CCDC40: variants seen among roughly 807,000 people sequenced by gnomAD.
CCDC40 encodes coiled-coil domain-containing protein 40.
A neutral mutation model predicts 124.5 loss-of-function variants in CCDC40; 104 were observed. The ratio of observed to expected loss-of-function variants is 0.84; its 90% CI spans 0.71 to 0.98. The LOEUF is 0.98. CCDC40 is among the 50% of genes least tolerant of loss of function. The pLI, the probability that CCDC40 is intolerant of heterozygous loss-of-function variation, is 0.00. For missense variants in CCDC40, 1,463 were observed against 1,503.9 expected (o/e 0.97, Z 0.45); for synonymous variants, 580 against 602.9 (o/e 0.96, Z 0.56).
chr17:80,036,700 G>C lies in CCDC40; in HGVS notation c.29+9G>C. 6.8e-7 allele frequency: 1 copy of C among 1,464,214 alleles called. No individual in the cohort carries two copies. The highest frequency in any genetic ancestry group is 2.8e-5 in the East Asian group (1 of 35,266). The allele number at this position is 1,464,214 out of a possible 1,614,324, so 90.7% of individuals were successfully genotyped here. ...GGCGGCGCGGCGGGCCGGTAAGCCG[G>C]GCCGAGGGGCAGCGGGTCTTGGAGT... On this transcript the variant is annotated intron_variant, in intron 1 of 19. Transcript: ENST00000397545.
Position 80,087,711 on chromosome 17 carries a change from T to C in CCDC40, c.2554T>C (p.Cys852Arg), listed in dbSNP as rs371138852. The change falls in exon 15 of 20, where the codon TGC becomes CGC. Residue 852 changes from cysteine to arginine, a missense_variant. Cys to Arg is a radical substitution (Grantham distance 180). Coordinates refer to ENST00000397545, the MANE Select transcript of CCDC40 (RefSeq NM_017950.4). This position sits in a 1 kb window ranked among gnomAD's most constrained non-coding sequence, Gnocchi z 4.5. ...KLNMLMNKNR[C>R]SSEELEQNNR... Reference sequence around the variant, plus strand: ...CAACATGTTGATGAATAAAAACCGGTGCAGCTCGGAGGAGCTGGAGCAGAA... The same window carrying C: ...CAACATGTTGATGAATAAAAACCGGCGCAGCTCGGAGGAGCTGGAGCAGAA... 6.2e-7 allele frequency: 1 copy of C among 1,613,676 alleles called. No individual in the cohort carries two copies. Among genetic ancestry groups the C allele is most frequent in the Non-Finnish European group, 8.5e-7 (1 of 1,179,698 alleles).
chr17:80,036,761 GC>G, intron 1 of CCDC40, 70 bp downstream of exon 1: 2 of 1,405,624 alleles, frequency 1.4e-6, no homozygotes, highest in Admixed American at 2.4e-5. Flanking sequence ...GCTCCAGGTG[GC>G]CCCCGCGTCG....
At chr17:80,093,900 T>C (rs2038761276) in intron 17 of CCDC40, among the ~76,000 whole-genome samples, 1 of 152,204 alleles carries the variant, frequency 6.6e-6, no homozygotes, top group South Asian at 2.1e-4. Flanking sequence ...AAATAGTGGC[T>C]CTGACCTATC....
At position 80,065,525 on chromosome 17, in the gene CCDC40, G is replaced by A. The variant is rs200084360; in HGVS notation, c.1481G>A (p.Arg494His). ...GACGCCATCAGCGTGGAGAAGAGGC[G>A]CATCATGCAGCAATGGGCCAGCAGC... is the stretch of plus-strand genomic sequence containing the variant. ...EIDAISVEKRRIMQQWASSLV... is the reference protein window; with the variant it reads ...EIDAISVEKRHIMQQWASSLV... Residue 494 changes from arginine to histidine, a missense_variant, in exon 10 of 20, where the codon CGC becomes CAC. By Grantham distance (29) the Arg-to-His change is conservative. Coordinates refer to ENST00000397545, the MANE Select transcript of CCDC40 (RefSeq NM_017950.4). 48 of 1,612,980 alleles carry A rather than the reference G, an allele frequency of 3.0e-5. No individual in the cohort carries two copies. Among genetic ancestry groups the A allele is most frequent in the South Asian group, 1.8e-4 (16 of 91,076 alleles).
chr17:80,087,620 G>A lies in CCDC40; in HGVS notation c.2463G>A (p.Gln821=). 3 of 1,614,148 alleles carry A rather than the reference G, an allele frequency of 1.9e-6. No homozygotes were observed. Among genetic ancestry groups the A allele is most frequent in the Non-Finnish European group, 2.5e-6 (3 of 1,179,972 alleles). ...KKLRVESKIE[Q]EKKEQKEIEH... is the part of the protein sequence containing the mutation. Reference sequence around the variant, plus strand: ...TTTCTGCCATAGGCAAGATTGAGCAGGAGAAGAAGGAGCAGAAGGAGATCG... The same window carrying A: ...TTTCTGCCATAGGCAAGATTGAGCAAGAGAAGAAGGAGCAGAAGGAGATCG... The change falls in exon 15 of 20, where the codon CAG becomes CAA. Residue 821 remains glutamine (Q), a synonymous_variant. Coordinates refer to ENST00000397545, the MANE Select transcript of CCDC40 (RefSeq NM_017950.4). This position sits in a 1 kb window ranked among gnomAD's most constrained non-coding sequence, Gnocchi z 4.5.
chr17:80,068,087 G>A (rs568466291), intron 10 of CCDC40: 1 of 658,812 alleles, frequency 1.5e-6, no homozygotes, highest in African/African-American at 2.0e-5. Flanking sequence ...AGGCTGGAGT[G>A]CAGTGGCACC....
chr17:80,044,671 A>T (rs1346820444), intron 3 of CCDC40, among the ~76,000 whole-genome samples: 1 of 145,076 alleles, frequency 6.9e-6, no homozygotes, highest in African/African-American at 2.7e-5. Flanking sequence ...AGACAGAGCG[A>T]GACCCCATCT....
chr17:80,074,116 T>C (rs1293772270), intron 10 of CCDC40, among the ~76,000 whole-genome samples: 9 of 152,176 alleles, frequency 5.9e-5, no homozygotes. Context: ...AAAGGAAAAG[T>C]TTTTGAAGAA....
intron 9 of CCDC40, among the ~76,000 whole-genome samples, chr17:80,060,506 G>T (rs1598503054): frequency 6.7e-6 from 1 of 149,982 alleles, no homozygotes; most frequent in African/African-American, 2.4e-5. Flanking sequence ...AAAAAAAAAA[G>T]AACAACAACA....
chr17:80,090,894 C>T (rs1411818145), intron 17 of CCDC40: 14 of 821,254 alleles, frequency 1.7e-5, no homozygotes, highest in Non-Finnish European at 2.1e-5. Context: ...TTAAAAATAC[C>T]AAATTTAATT....
intron 9 of CCDC40, among the ~76,000 whole-genome samples, chr17:80,064,398 G>C (rs112533809): frequency 0.077 from 11,727 of 152,068 alleles, 1,448 homozygotes; most frequent in African/African-American, 0.26. Context: ...TTGCATTGGG[G>C]ATGACTCATC....
At chr17:80,096,045 C>CT (rs2143778044) in intron 18 of CCDC40, among the ~76,000 whole-genome samples, 1 of 152,388 alleles carries the variant, frequency 6.6e-6, no homozygotes, top group Admixed American at 6.5e-5. Flanking sequence ...TGCACTCACA[C>CT]TTCCCAGGTT....
rs2038591474 is a variant in CCDC40, at chr17:80,086,482, G to C, written c.2449+266G>C. The C allele has an allele frequency of 2.2e-6, 1 of 450,244 alleles. No individual in the cohort carries two copies. The highest frequency in any genetic ancestry group is 4.1e-6 in the Non-Finnish European group (1 of 242,572). 27.9% of individuals were successfully genotyped at this position (450,244 alleles called of 1,614,324 possible). A position where few individuals can be genotyped will look rare whatever the true frequency, so the allele number is the denominator to read the frequency against. ...GACTTCAGAGCTCTCCTTGAGAGAG[G>C]AGCATGGAAGGTTATCATCCCCGCC... On this transcript the variant is annotated intron_variant, in intron 14 of 19. Transcript: ENST00000397545. This position sits in a 1 kb window ranked among gnomAD's most constrained non-coding sequence, Gnocchi z 5.5.
chr17:80,041,230 G>C (rs73434921), intron 3 of CCDC40, among the ~76,000 whole-genome samples: 1 of 152,052 alleles, frequency 6.6e-6, no homozygotes, highest in Non-Finnish European at 1.5e-5. Context: ...AAATTGGGTC[G>C]GGCATGGTGG....
In CCDC40 at chr17:80,050,160, G is replaced by C; in HGVS notation, c.1036G>C (p.Glu346Gln). The C allele has an allele frequency of 6.2e-7, 1 of 1,613,678 alleles. No individual in the cohort carries two copies. Among genetic ancestry groups the C allele is most frequent in the Non-Finnish European group, 8.5e-7 (1 of 1,180,014 alleles). ...CCTGGTACACCTGCAGAAGCTGCTG[G>C]AGAAGAGTCACGACCGCCACGCAAT... The part of the protein sequence containing the change: ...QHLVHLQKLL[E>Q]KSHDRHAMAS... The change falls in exon 7 of 20, where the codon GAG (glutamate) becomes CAG (glutamine). Residue 346 changes from glutamate (E) to glutamine (Q), a missense_variant. Glu to Gln is a conservative substitution (Grantham distance 29). Coordinates refer to ENST00000397545, the MANE Select transcript of CCDC40 (RefSeq NM_017950.4).
intron 17 of CCDC40, 45 bp from the exon 18 acceptor site, chr17:80,095,218 A>G (rs2143775761): frequency 6.3e-7 from 1 of 1,585,756 alleles, no homozygotes; most frequent in South Asian, 1.1e-5. Context: ...CTGCAGCTGC[A>G]GCTCAGGCCT....
rs1307260660 is a variant in CCDC40 at position 80,084,976 on chromosome 17, C to T, written c.2223C>T (p.Val741=). Residue 741 remains valine, a synonymous_variant, in exon 13 of 20, where the codon GTC becomes GTT. Coordinates refer to ENST00000397545, the MANE Select transcript of CCDC40 (RefSeq NM_017950.4). ...TCAACAAGCAGCTGGAGCGGATGGT[C>T]TCCGAGCTGGGGGTGAGGTCCCAGG... ...NFLNKQLERM[V]SELGGEEVGP... The T allele has an allele frequency of 6.2e-7, 1 of 1,613,714 alleles. No homozygotes were observed. The highest frequency in any genetic ancestry group is 1.1e-5 in the South Asian group (1 of 91,038).
intron 10 of CCDC40, among the ~76,000 whole-genome samples, 156 bp downstream of exon 10, chr17:80,065,762 T>C (rs1455745014): frequency 7.2e-6 from 1 of 139,490 alleles, no homozygotes; most frequent in Non-Finnish European, 1.5e-5. Flanking sequence ...AGCTCCCTCA[T>C]TGTTTGGTAA....
chr17:80,086,008 A>G lies in CCDC40; in HGVS notation c.2241A>G (p.Glu747=). 1 of 1,613,302 alleles carries G rather than the reference A, an allele frequency of 6.2e-7. No individual in the cohort carries two copies. Among genetic ancestry groups the G allele is most frequent in the Non-Finnish European group, 8.5e-7 (1 of 1,179,488 alleles). ...LERMVSELGG[E]EVGPLELEIK... ...TTGATGAATATCCGGTCTAGGGGGAAGAAGTGGGGCCCCTGGAGCTTGAAA... is the reference window on the plus strand; with the variant it reads ...TTGATGAATATCCGGTCTAGGGGGAGGAAGTGGGGCCCCTGGAGCTTGAAA... Residue 747 remains glutamate, a synonymous_variant, in exon 14 of 20, where the codon GAA becomes GAG. Transcript: ENST00000397545. This position sits in a 1 kb window ranked among gnomAD's most constrained non-coding sequence, Gnocchi z 5.5.
Sources: allele counts gnomAD v4.1 joint callset (sites outside exome capture counted in the v4.1 genomes callset), GRCh38; gene constraint gnomAD v4.1.1; non-coding constraint Gnocchi (gnomAD v3.1); transcripts MANE v1.5; gene names NCBI Gene and HGNC (gene_info 2026-07-23, HGNC 2026-07-21).